The following CDSN variants were observed in gnomAD, a reference collection of about 807,000 sequenced individuals.
The protein encoded by CDSN is S protein.
CDSN carries 11 observed loss-of-function variants against 25.6 expected under a neutral mutation model. The ratio of observed to expected loss-of-function variants is 0.43; its 90% CI spans 0.27 to 0.71. The LOEUF is 0.71. Among genes scored for constraint, CDSN ranks in the 30% least tolerant of loss-of-function variants. The probability of loss-of-function intolerance (pLI) is 0.20; values close to 1 mark genes in which losing one functional copy is unlikely to be tolerated. For synonymous variants in CDSN, 266 were observed against 267.4 expected (o/e 0.99, Z 0.05); for missense variants, 598 against 670.9 (o/e 0.89, Z 1.20).
At chr6:31,118,843 C>CTTTTTT (rs9257055) in intron 1 of CDSN, 24 of 120,746 alleles carry the variant, frequency 2.0e-4, no homozygotes, top group African/African-American at 2.2e-4. Context: ...TCTTCTTCTT[C>CTTTTTT]TTTTTTTTTT....
At position 31,116,054 on chromosome 6, in the gene CDSN, G is replaced by T. The variant is rs1772093994; in HGVS notation, c.1561C>A (p.Pro521Thr). 1.2e-6 allele frequency: 2 copies of T among 1,612,178 alleles called. No homozygotes were observed. The highest frequency in any genetic ancestry group is 8.5e-7 in the Non-Finnish European group (1 of 1,179,884). The change falls in exon 2 of 2, where the codon CCC becomes ACC. Residue 521 changes from proline to threonine, a missense_variant. Coordinates refer to ENST00000376288, the MANE Select transcript of CDSN (RefSeq NM_001264.5). ...GGACTGTTGAGTAACTCTCCTTGGG[G>T]TAGGAAAACTTCAGGGTCAGCTAGC... The part of the protein sequence containing the change: ...PQLADPEVFL[P>T]QGELLNSP
In CDSN at chr6:31,116,809, T is replaced by G. The variant is rs1772157059; in HGVS notation, c.806A>C (p.Gln269Pro). The change falls in exon 2 of 2, where the codon CAA becomes CCA. Residue 269 changes from glutamine to proline, a missense_variant. Coordinates refer to ENST00000376288, the MANE Select transcript of CDSN (RefSeq NM_001264.5). ...QHGSGAPGVV[Q>P]GPPCSNGGLP... ...GCCACCATTGCTACAGGGGGGACCT[T>G]GAACCACTCCAGGGGCACCAGAACC... is the stretch of plus-strand genomic sequence containing the variant. 3.1e-6 allele frequency: 5 copies of G among 1,613,860 alleles called. No individual in the cohort carries two copies. Among genetic ancestry groups the G allele is most frequent in the Non-Finnish European group, 4.2e-6 (5 of 1,179,972 alleles).
At chr6:31,118,780 C>A (rs1772299601) in intron 1 of CDSN, 1 of 151,560 alleles carries the variant, frequency 6.6e-6, no homozygotes, top group Non-Finnish European at 1.5e-5. Context: ...CCCTGCCTTC[C>A]CACAGCATTA....
rs1199824552 is a variant in CDSN, at chr6:31,116,179, G to T, written c.1436C>A (p.Pro479His). The change falls in exon 2 of 2, where the codon CCC (proline) becomes CAC (histidine). Residue 479 changes from proline to histidine, a missense_variant. Physicochemically the swap from Pro to His is moderately conservative, Grantham distance 77. Transcript: ENST00000376288. ...GGPDGSPHPD[P>H]SAGAKPCGSS... The stretch of plus-strand genomic sequence containing the variant: ...GCCACAGGGCTTGGCACCAGCGGAG[G>T]GATCAGGATGGGGAGAGCCATCGGG... 1.2e-6 allele frequency: 2 copies of T among 1,612,480 alleles called. No individual in the cohort carries two copies. Among genetic ancestry groups the T allele is most frequent in the South Asian group, 1.1e-5 (1 of 91,072 alleles).
chr6:31,117,111 G>GAAGCTGCTGCTGCTGAACTGA lies in CDSN; in HGVS notation c.483_503dup (p.Phe163_Gln169dup). ...GCAGAGCAGAGCCATTCCCTACTTG[G>GAAGCTGCTGCTGCTGAACTGA]AAGCTGCTGCTGCTGAACTGAAAGC... On this transcript the variant is annotated inframe_insertion, in exon 2 of 2. Coordinates refer to ENST00000376288, the MANE Select transcript of CDSN (RefSeq NM_001264.5). 6.2e-7 allele frequency: 1 copy of GAAGCTGCTGCTGCTGAACTGA among 1,614,134 alleles called. No individual in the cohort carries two copies. Among genetic ancestry groups the GAAGCTGCTGCTGCTGAACTGA allele is most frequent in the Non-Finnish European group, 8.5e-7 (1 of 1,180,008 alleles).
rs201665595 is a variant in CDSN at position 31,118,837 on chromosome 6, C to CTTTTTTTTTTTTTTTTTTTTTTTT, written c.86-1309_86-1308insAAAAAAAAAAAAAAAAAAAAAAAA. The CTTTTTTTTTTTTTTTTTTTTTTTT allele has an allele frequency of 3.2e-5, 3 of 92,452 alleles. 1 individual carries two copies. The highest frequency in any genetic ancestry group is 2.0e-5 in the Non-Finnish European group (1 of 48,996). 5.7% of individuals were successfully genotyped at this position (92,452 alleles called of 1,614,324 possible). On this transcript the variant is annotated intron_variant, in intron 1 of 1. Coordinates refer to ENST00000376288, the MANE Select transcript of CDSN (RefSeq NM_001264.5). ...ATCATCCACCTGGAAGTTTTTTCTT[C>CTTTTTTTTTTTTTTTTTTTTTTTT]TTCTTCTTTTTTTTTTTTTTTTTTG... is the stretch of plus-strand genomic sequence containing the variant.
At chr6:31,120,301 C>T in intron 1 of CDSN, 34 bp downstream of exon 1, 2 of 1,508,194 alleles carry the variant, frequency 1.3e-6, no homozygotes, top group Non-Finnish European at 1.8e-6. Context: ...TCCCTCCCGC[C>T]TCCCTCCTGT....
chr6:31,117,949 A>AT (rs1250305785), intron 1 of CDSN: 15 of 180,132 alleles, frequency 8.3e-5, no homozygotes, highest in African/African-American at 9.5e-5. Flanking sequence ...TTTAATTAAA[A>AT]TTTTTTTTAA....
At position 31,117,330 on chromosome 6, in the gene CDSN, G is replaced by C. The variant is rs1474677106; in HGVS notation, c.285C>G (p.Ser95=). ...CTGCAGAACCACCCTGGGCAATGCT[G>C]GATCCGCTGGAGCTACCACTGGAGC... is the stretch of plus-strand genomic sequence containing the variant. ...GGGSSGSSSG[S]SIAQGGSAGS... The change falls in exon 2 of 2, where the codon TCC becomes TCG. Residue 95 remains serine, a synonymous_variant. Transcript: ENST00000376288. The C allele has an allele frequency of 6.3e-7, 1 of 1,578,124 alleles. No individual in the cohort carries two copies. Among genetic ancestry groups the C allele is most frequent in the Non-Finnish European group, 8.6e-7 (1 of 1,161,812 alleles).
chr6:31,117,594 C>G, intron 1 of CDSN, 65 bp from the exon 2 acceptor site: 1 of 1,401,606 alleles, frequency 7.1e-7, no homozygotes, highest in Non-Finnish European at 9.9e-7. Context: ...ACCTTTCTGC[C>G]TTATCTCAGT....
At position 31,115,729 on chromosome 6, in the gene CDSN, G is replaced by C. The variant is rs1772074029; in HGVS notation, c.*296C>G. ...CTCAATGGACCATTTCCACACAGTA[G>C]AGGGAATTGTAAGGGGTGGTGATCT... On this transcript the variant is annotated 3_prime_UTR_variant, in exon 2 of 2. Coordinates refer to ENST00000376288, the MANE Select transcript of CDSN (RefSeq NM_001264.5). The surrounding 1 kb of genome is among the most constrained non-coding windows in gnomAD (Gnocchi z 4.2). The C allele has an allele frequency of 2.0e-5, 10 of 495,054 alleles. No individual in the cohort carries two copies. The highest frequency in any genetic ancestry group is 3.2e-5 in the Non-Finnish European group (9 of 278,890). 30.7% of individuals were successfully genotyped at this position (495,054 alleles called of 1,614,324 possible).
chr6:31,120,316 A>C lies in CDSN; in HGVS notation c.85+19T>G. Reference sequence around the variant, plus strand: ...TCCCTCCCGCCTCCCTCCTGTTCCCAGGGCCCCCAGCCTCCTACCTGGCAG... The same window carrying C: ...TCCCTCCCGCCTCCCTCCTGTTCCCCGGGCCCCCAGCCTCCTACCTGGCAG... On this transcript the variant is annotated intron_variant, in intron 1 of 1. Transcript: ENST00000376288. The C allele has an allele frequency of 6.5e-7, 1 of 1,548,098 alleles. No homozygotes were observed. The highest frequency in any genetic ancestry group is 8.8e-7 in the Non-Finnish European group (1 of 1,139,808).
chr6:31,120,378 C>T lies in CDSN; in HGVS notation c.42G>A (p.Gly14=). The T allele has an allele frequency of 6.3e-7, 1 of 1,594,116 alleles. No homozygotes were observed. ...CCAGCAGCAGTGCCATCATCCCGTG[C>T]CCACCCACACGCCCCATCCAGGGTG... The part of the protein sequence containing the change: ...SRAPWMGRVG[G]HGMMALLLAG... Residue 14 remains glycine, a synonymous_variant, in exon 1 of 2, where the codon GGG becomes GGA. Coordinates refer to ENST00000376288, the MANE Select transcript of CDSN (RefSeq NM_001264.5).
chr6:31,119,223 A>C (rs985162161), intron 1 of CDSN, among the ~76,000 whole-genome samples: 3 of 152,140 alleles, frequency 2.0e-5, no homozygotes, highest in African/African-American at 7.2e-5. Flanking sequence ...CAACAACCAG[A>C]CTGCCATCCT....
Position 31,116,592 on chromosome 6 carries a change from A to G in CDSN, c.1023T>C (p.Ala341=), listed in dbSNP as rs369304050. Residue 341 remains alanine (A), a synonymous_variant, in exon 2 of 2, where the codon GCT becomes GCC. Transcript: ENST00000376288. ...ATTTGCCCTCAGAGATGGGGGGCCC[A>G]GCTGCAAAGGAAGGGACCCCTGGAG... ...KGSPGVPSFA[A]GPPISEGKYF... 6.2e-7 allele frequency: 1 copy of G among 1,613,604 alleles called. No individual in the cohort carries two copies. The highest frequency in any genetic ancestry group is 8.5e-7 in the Non-Finnish European group (1 of 1,179,978).
chr6:31,115,137 T>C lies in CDSN; in HGVS notation c.*888A>G. 2.9e-6 allele frequency: 1 copy of C among 341,340 alleles called. No individual in the cohort carries two copies. Among genetic ancestry groups the C allele is most frequent in the Non-Finnish European group, 5.7e-6 (1 of 175,220 alleles). The allele number at this position is 341,340 out of a possible 1,614,324, so 21.1% of individuals were successfully genotyped here. A position where few individuals can be genotyped will look rare whatever the true frequency, so the allele number is the denominator to read the frequency against. ...TGTCTTCCTCCTCTGTGGGAGCAGC[T>C]GGAAGGTAGAAGAGAAACACAGCCC... On this transcript the variant is annotated 3_prime_UTR_variant, in exon 2 of 2. Transcript: ENST00000376288. The surrounding 1 kb of genome is among the most constrained non-coding windows in gnomAD (Gnocchi z 4.2).
chr6:31,117,514 C>G lies in CDSN; in HGVS notation c.101G>C (p.Ser34Thr). The change falls in exon 2 of 2, where the codon AGC (serine) becomes ACC (threonine). Residue 34 changes from serine (S) to threonine (T), a missense_variant. By Grantham distance (58) the Ser-to-Thr change is moderately conservative. Coordinates refer to ENST00000376288, the MANE Select transcript of CDSN (RefSeq NM_001264.5). ...ACAAGGGTCTGAGAAGGTGCCAATGCTCTTAGCCAAGGTCCCTGTGGAGGA... is the reference window on the plus strand; with the variant it reads ...ACAAGGGTCTGAGAAGGTGCCAATGGTCTTAGCCAAGGTCCCTGTGGAGGA... ...GLLLPGTLAK[S>T]IGTFSDPCKD... 1 of 1,550,662 alleles carries G rather than the reference C, an allele frequency of 6.4e-7. No individual in the cohort carries two copies. Among genetic ancestry groups the G allele is most frequent in the Non-Finnish European group, 8.7e-7 (1 of 1,147,250 alleles).
rs1348452339 is a variant in CDSN, at chr6:31,116,416, C to A, written c.1199G>T (p.Ser400Ile). The A allele has an allele frequency of 2.5e-6, 4 of 1,593,226 alleles. No homozygotes were observed. Among genetic ancestry groups the A allele is most frequent in the Non-Finnish European group, 3.4e-6 (4 of 1,169,774 alleles). The change falls in exon 2 of 2, where the codon AGC (serine) becomes ATC (isoleucine). Residue 400 changes from serine (S) to isoleucine (I), a missense_variant. Ser to Ile is a moderately radical substitution (Grantham distance 142, BLOSUM62 -2). Transcript: ENST00000376288. ...GGAGCTGCTGGAAATGCTAGAACTG[C>A]TGGGGACTCGAGAACTGGAGGGAGA... ...PCSPSSSRVP[S>I]SSSISSSSGL...
In CDSN at chr6:31,116,126, G is replaced by A. The variant is rs200654068; in HGVS notation, c.1489C>T (p.Arg497Cys). 6 of 1,610,864 alleles carry A rather than the reference G, an allele frequency of 3.7e-6. No homozygotes were observed. The highest frequency in any genetic ancestry group is 2.2e-5 in the East Asian group (1 of 44,794). The change falls in exon 2 of 2, where the codon CGC becomes TGC. Residue 497 changes from arginine to cysteine, a missense_variant. Transcript: ENST00000376288. ...TGGGCTAGGATATCCCGGATGGAGC[G>A]GCAGGGGATCTTTCCAGCACTGCTG... Reference protein sequence around the residue: ...GSSSAGKIPCRSIRDILAQVK... With the variant: ...GSSSAGKIPCCSIRDILAQVK...
Sources: allele counts gnomAD v4.1 joint callset (sites outside exome capture counted in the v4.1 genomes callset), GRCh38; gene constraint gnomAD v4.1.1; non-coding constraint Gnocchi (gnomAD v3.1); transcripts MANE v1.5; gene names NCBI Gene and HGNC (gene_info 2026-07-23, HGNC 2026-07-21).